The following ECPAS variants were observed in gnomAD, a reference collection of about 807,000 sequenced individuals.
ECPAS encodes the protein Ecm29 proteasome adaptor and scaffold, also known as proteasome adapter and scaffold protein ECM29.
In ECPAS, 70 loss-of-function variants were observed where a neutral mutation model predicts 255.1. That is an observed-to-expected ratio of 0.27 (90% CI 0.23 to 0.33). ECPAS has a LOEUF of 0.33. Among genes scored for constraint, ECPAS ranks in the 10% least tolerant of loss-of-function variants. The pLI, the probability that ECPAS is intolerant of heterozygous loss-of-function variation, is 1.00. For missense variants in ECPAS, 1,817 were observed against 2,206.4 expected (o/e 0.82, Z 3.54); for synonymous variants, 784 against 775.0 (o/e 1.01, Z -0.19).
At chr9:111,415,699 T>C (rs2098202325) in intron 18 of ECPAS, among the ~76,000 whole-genome samples, 1 of 141,198 alleles carries the variant, frequency 7.1e-6, no homozygotes, top group African/African-American at 2.5e-5. Flanking sequence ...TGAGACTCCT[T>C]CTCAAAAAAA....
chr9:111,397,264 T>C (rs2098168962), intron 24 of ECPAS, 111 bp from the exon 25 acceptor site: 4 of 1,373,668 alleles, frequency 2.9e-6, no homozygotes, highest in Non-Finnish European at 4.0e-6. Context: ...TTGTTTTCAC[T>C]CTTTGCCCTA....
At chr9:111,434,507 T>TA (rs1408536075) in intron 7 of ECPAS, among the ~76,000 whole-genome samples, 1 of 151,734 alleles carries the variant, frequency 6.6e-6, no homozygotes, top group East Asian at 1.9e-4. Context: ...ATGTATTGTT[T>TA]AAAACGGTGA....
At chr9:111,463,687 G>C (rs1449405098) in intron 2 of ECPAS, among the ~76,000 whole-genome samples, 1 of 151,978 alleles carries the variant, frequency 6.6e-6, no homozygotes, top group Non-Finnish European at 1.5e-5. Flanking sequence ...AGAGAACTGG[G>C]AATACATGAA....
intron 35 of ECPAS, among the ~76,000 whole-genome samples, chr9:111,382,432 T>A (rs979573821): frequency 6.6e-6 from 1 of 151,404 alleles, no homozygotes; most frequent in African/African-American, 2.4e-5. Context: ...ACCCGGCTAA[T>A]TTTTTTTGTA....
At chr9:111,373,131 C>T in intron 41 of ECPAS, 39 bp downstream of exon 41, 1 of 1,527,578 alleles carries the variant, frequency 6.5e-7, no homozygotes, top group South Asian at 1.1e-5. Context: ...CTGTTAACAT[C>T]TAAATTTAAA....
chr9:111,422,892 G>C (rs951782562), intron 13 of ECPAS, among the ~76,000 whole-genome samples: 2 of 152,150 alleles, frequency 1.3e-5, no homozygotes, highest in Non-Finnish European at 2.9e-5. Flanking sequence ...GTGCCAAGTA[G>C]CAACAAAAAC....
chr9:111,424,027 A>T (rs1007848572), intron 12 of ECPAS, among the ~76,000 whole-genome samples: 1 of 152,160 alleles, frequency 6.6e-6, no homozygotes, highest in Admixed American at 6.6e-5. Context: ...TCTAACTTAC[A>T]TTTAAATATA....
At position 111,378,652 on chromosome 9, in the gene ECPAS, C is replaced by T; in HGVS notation, c.3882G>A (p.Leu1294=). ...KPHAPKLIPA[L]LESLSVLEPQ... ...GCTCCAATACACTTAAGGACTCTAGCAGAGCTGGAATGAGTTTTGGTGCAT... is the reference window on the plus strand; with the variant it reads ...GCTCCAATACACTTAAGGACTCTAGTAGAGCTGGAATGAGTTTTGGTGCAT... Residue 1294 remains leucine, a synonymous_variant, in exon 36 of 50, where the codon CTG becomes CTA. Coordinates refer to ENST00000684092, the MANE Select transcript of ECPAS (RefSeq NM_001364929.1). 3.7e-6 allele frequency: 6 copies of T among 1,613,866 alleles called. No homozygotes were observed. Among genetic ancestry groups the T allele is most frequent in the Non-Finnish European group, 4.2e-6 (5 of 1,179,778 alleles).
At chr9:111,388,226 T>A (rs2131596230) in intron 31 of ECPAS, among the ~76,000 whole-genome samples, 1 of 151,554 alleles carries the variant, frequency 6.6e-6, no homozygotes, top group Non-Finnish European at 1.5e-5. Flanking sequence ...TGTCTGCTTC[T>A]CTCAACATTC....
chr9:111,366,677 C>T (rs752437570), intron 46 of ECPAS, 50 bp from the exon 47 acceptor site: 8 of 1,195,428 alleles, frequency 6.7e-6, no homozygotes, highest in Non-Finnish European at 9.9e-6. Flanking sequence ...TATAAAAGAA[C>T]AAGAGATGGA....
intron 3 of ECPAS, among the ~76,000 whole-genome samples, chr9:111,449,949 G>C (rs965471922): frequency 6.6e-6 from 1 of 152,054 alleles, no homozygotes; most frequent in Non-Finnish European, 1.5e-5. Flanking sequence ...CTCTTGGCCT[G>C]GCTACTTCCT....
chr9:111,406,458 T>G (rs1006172582), intron 24 of ECPAS, among the ~76,000 whole-genome samples: 1 of 149,784 alleles, frequency 6.7e-6, no homozygotes, highest in Non-Finnish European at 1.5e-5. Context: ...AGGGCAACAA[T>G]AGTTAATAAG....
chr9:111,417,352 G>A (rs2131764209), intron 17 of ECPAS, among the ~76,000 whole-genome samples: 1 of 152,320 alleles, frequency 6.6e-6, no homozygotes, highest in East Asian at 1.9e-4. Context: ...GGAATTATAA[G>A]TAATTCAAGT....
intron 2 of ECPAS, among the ~76,000 whole-genome samples, chr9:111,467,452 T>A (rs949682481): frequency 3.9e-5 from 6 of 152,228 alleles, no homozygotes; most frequent in African/African-American, 1.4e-4. Context: ...ACTAACTTAC[T>A]TCATGAGCAC....
intron 36 of ECPAS, 66 bp from the exon 37 acceptor site, chr9:111,376,607 C>A (rs1242108093): frequency 8.4e-7 from 1 of 1,188,556 alleles, no homozygotes; most frequent in South Asian, 1.3e-5. Context: ...CACAAACACC[C>A]ATAAAAGACT....
intron 48 of ECPAS, among the ~76,000 whole-genome samples, chr9:111,363,862 G>C (rs556741303): frequency 1.1e-4 from 17 of 151,596 alleles, no homozygotes; most frequent in African/African-American, 3.9e-4. Flanking sequence ...CTTTACTTTG[G>C]AAAAACAAAA....
intron 24 of ECPAS, among the ~76,000 whole-genome samples, chr9:111,406,674 T>A (rs1160801434): frequency 6.7e-6 from 1 of 149,224 alleles, no homozygotes; most frequent in Non-Finnish European, 1.5e-5. Context: ...GAGATCCAGG[T>A]GGGAGGATCA....
chr9:111,378,063 T>C (rs897031879), intron 36 of ECPAS, among the ~76,000 whole-genome samples: 1 of 152,022 alleles, frequency 6.6e-6, no homozygotes, highest in Admixed American at 6.5e-5. Flanking sequence ...GGAGAATCGC[T>C]TGAACCTGGC....
intron 31 of ECPAS, 116 bp downstream of exon 31, chr9:111,389,440 G>T: frequency 1.1e-6 from 1 of 928,254 alleles, no homozygotes; most frequent in Non-Finnish European, 1.5e-6. Context: ...CAATTTATTT[G>T]TTTAAACAAG....
Sources: gnomAD v4.1 joint callset for allele counts (sites outside exome capture counted in the v4.1 genomes callset) on GRCh38, gnomAD v4.1.1 for gene constraint, MANE v1.5 for transcripts, NCBI Gene and HGNC (gene_info 2026-07-23, HGNC 2026-07-21) for gene names.